Variants in TANGO6 observed in about 807,000 individuals in gnomAD.
TANGO6 encodes the protein transport and golgi organization 6 homolog.
TANGO6 carries 90 observed loss-of-function variants against 114.2 expected under a neutral mutation model. That is an observed-to-expected ratio of 0.79 (90% CI 0.66 to 0.94). The LOEUF is 0.94. Among genes scored for constraint, TANGO6 ranks in the 40% least tolerant of loss-of-function variants. TANGO6 has a pLI of 0.00. For missense variants in TANGO6, 1,274 were observed against 1,315.3 expected (o/e 0.97, Z 0.49); for synonymous variants, 477 against 509.8 (o/e 0.94, Z 0.87).
chr16:69,077,042 C>T (rs1044370456), intron 17 of TANGO6, among the ~76,000 whole-genome samples: 4 of 150,856 alleles, frequency 2.7e-5, no homozygotes, highest in East Asian at 1.9e-4. Context: ...AAGATTATTA[C>T]GAATTTTTTT....
At chr16:69,009,217 G>T (rs1406765906) in intron 15 of TANGO6, among the ~76,000 whole-genome samples, 3 of 151,492 alleles carry the variant, frequency 2.0e-5, no homozygotes, top group Non-Finnish European at 2.9e-5. Flanking sequence ...AAATAGCTGG[G>T]ATTACAGGCA....
intron 16 of TANGO6, chr16:69,034,970 A>T (rs1160239120): frequency 2.0e-5 from 3 of 151,876 alleles, no homozygotes; most frequent in African/African-American, 7.3e-5. Context: ...ATGAGAAGTA[A>T]ATATGATTTA....
chr16:68,882,875 G>A (rs570537771), intron 7 of TANGO6, among the ~76,000 whole-genome samples: 9 of 152,036 alleles, frequency 5.9e-5, no homozygotes, highest in South Asian at 4.2e-4. Flanking sequence ...AAAATTAGCC[G>A]GACGTTGTGG....
rs1279018317 is a variant in TANGO6, at chr16:68,927,997, A to T, written c.2557A>T (p.Thr853Ser). Residue 853 changes from threonine (T) to serine (S), a missense_variant, in exon 13 of 18, where the codon ACA (threonine) becomes TCA (serine). Thr to Ser is a moderately conservative substitution (Grantham distance 58). This residue lies in a region of TANGO6 where 908 missense variants were observed against 910.2 expected (regional missense o/e 1.00). Coordinates refer to ENST00000261778, the MANE Select transcript of TANGO6 (RefSeq NM_024562.2). ...GTCAGCTTATGACCCTCAAATTCCA[A>T]CACGGGCTGCTGCCCTGCGTACTCT... ...LLSAYDPQIP[T>S]RAAALRTLSH... is the part of the protein sequence containing the mutation. 3 of 1,612,338 alleles carry T rather than the reference A, an allele frequency of 1.9e-6. No homozygotes were observed. The highest frequency in any genetic ancestry group is 2.2e-5 in the East Asian group (1 of 44,874).
chr16:69,068,803 T>G (rs1424518114), intron 17 of TANGO6, among the ~76,000 whole-genome samples: 1 of 152,180 alleles, frequency 6.6e-6, no homozygotes, highest in Non-Finnish European at 1.5e-5. Flanking sequence ...AACCTCCGCC[T>G]CCCAGATTCA....
intron 14 of TANGO6, among the ~76,000 whole-genome samples, chr16:68,939,630 G>GA (rs1233786420): frequency 2.0e-5 from 3 of 150,126 alleles, no homozygotes; most frequent in Non-Finnish European, 3.0e-5. Flanking sequence ...CTAGGAAACG[G>GA]AAAAAACAAA....
intron 15 of TANGO6, among the ~76,000 whole-genome samples, chr16:69,008,895 A>T (rs747060225): frequency 3.3e-5 from 5 of 151,774 alleles, no homozygotes; most frequent in Non-Finnish European, 7.4e-5. Flanking sequence ...TGCCCATCTC[A>T]GTCTCCCAAA....
chr16:68,857,660 T>C (rs1313829352), intron 1 of TANGO6, among the ~76,000 whole-genome samples: 25 of 152,216 alleles, frequency 1.6e-4, no homozygotes, highest in Admixed American at 1.6e-3. Flanking sequence ...TTCCTGTTGC[T>C]CCACATCCTT....
At chr16:68,864,174 C>CA (rs11393218) in intron 3 of TANGO6, among the ~76,000 whole-genome samples, 26,059 of 135,038 alleles carry the variant, frequency 0.19, 4,595 homozygotes, top group African/African-American at 0.48. Flanking sequence ...AACTCCGTCT[C>CA]AAAAAAAAAA....
intron 10 of TANGO6, among the ~76,000 whole-genome samples, chr16:68,908,691 C>G (rs1962884203): frequency 6.6e-6 from 1 of 152,134 alleles, no homozygotes; most frequent in Admixed American, 6.5e-5. Context: ...GAAGTTAGTT[C>G]TAAGTATCTT....
In TANGO6 at chr16:68,875,285, C is replaced by G. The variant is rs1415172861; in HGVS notation, c.1126C>G (p.Pro376Ala). Residue 376 changes from proline (P) to alanine (A), a missense_variant, in exon 5 of 18, where the codon CCC becomes GCC. Pro to Ala is a conservative substitution (Grantham distance 27, BLOSUM62 -1). This residue lies in a region of TANGO6 where 908 missense variants were observed against 910.2 expected (regional missense o/e 1.00). Transcript: ENST00000261778. ...AGAGAATTACTACAGGGACATCTGC[C>G]CCCAGGTAAATCTTTTTGTTTCTAT... is the stretch of plus-strand genomic sequence containing the variant. Reference protein sequence around the residue: ...SPENYYRDICPQVLDLFHFQD... With the variant: ...SPENYYRDICAQVLDLFHFQD... The G allele has an allele frequency of 1.2e-6, 2 of 1,612,166 alleles. No individual in the cohort carries two copies. The highest frequency in any genetic ancestry group is 2.2e-5 in the South Asian group (2 of 90,840).
intron 11 of TANGO6, among the ~76,000 whole-genome samples, chr16:68,918,102 G>T (rs1205391256): frequency 6.6e-6 from 1 of 151,936 alleles, no homozygotes; most frequent in East Asian, 1.9e-4. Flanking sequence ...TAGAGACAGG[G>T]TTCACCATGT....
chr16:68,869,622 T>C (rs762150462), intron 4 of TANGO6, among the ~76,000 whole-genome samples: 1 of 152,248 alleles, frequency 6.6e-6, no homozygotes, highest in Admixed American at 6.5e-5. Context: ...TTCACTTTTA[T>C]CCTGGTGAAC....
chr16:69,064,910 C>T (rs183529136), intron 17 of TANGO6, among the ~76,000 whole-genome samples: 4 of 152,242 alleles, frequency 2.6e-5, no homozygotes, highest in Admixed American at 1.3e-4. Context: ...GTGCCCTCAG[C>T]GGGGTGTCTG....
At chr16:68,944,822 A>G (rs1963396900) in intron 14 of TANGO6, among the ~76,000 whole-genome samples, 1 of 152,246 alleles carries the variant, frequency 6.6e-6, no homozygotes, top group Non-Finnish European at 1.5e-5. Flanking sequence ...AAGAATTGCA[A>G]TTCAGGGCAT....
Position 68,953,262 on chromosome 16 carries a change from T to C in TANGO6, c.2702-20766T>C, listed in dbSNP as rs116575736. On this transcript the variant is annotated intron_variant, in intron 14 of 17. Coordinates refer to ENST00000261778, the MANE Select transcript of TANGO6 (RefSeq NM_024562.2). ...CCACGCCTGGCTAGTTTTTTGTATTTAGCAGAGACAGGGTTTCGCCATGTT... is the reference window on the plus strand; with the variant it reads ...CCACGCCTGGCTAGTTTTTTGTATTCAGCAGAGACAGGGTTTCGCCATGTT... Among the ~76,000 whole-genome samples, 704 of 152,042 alleles carry C rather than the reference T, an allele frequency of 4.6e-3. 5 individuals are homozygous for C. The highest frequency in any genetic ancestry group is 0.016 in the African/African-American group (671 of 41,452).
At chr16:68,998,215 C>G (rs542348224) in intron 15 of TANGO6, among the ~76,000 whole-genome samples, 2 of 152,258 alleles carry the variant, frequency 1.3e-5, no homozygotes, top group African/African-American at 2.4e-5. Flanking sequence ...AATTAGAATA[C>G]TCATTCAGAT....
At chr16:68,870,679 T>A (rs1354168333) in intron 4 of TANGO6, among the ~76,000 whole-genome samples, 1 of 152,230 alleles carries the variant, frequency 6.6e-6, no homozygotes, top group African/African-American at 2.4e-5. Context: ...TATATTGACC[T>A]GCATATTTGC....
intron 1 of TANGO6, among the ~76,000 whole-genome samples, chr16:68,856,341 A>G (rs1961992483): frequency 6.6e-6 from 1 of 152,234 alleles, no homozygotes; most frequent in Admixed American, 6.5e-5. Context: ...GCGTTTGTTG[A>G]AATGATCACG....
Sources: allele counts gnomAD v4.1 joint callset (sites outside exome capture counted in the v4.1 genomes callset), GRCh38; gene constraint gnomAD v4.1.1; regional missense constraint gnomAD v4.1.1; transcripts MANE v1.5; gene names NCBI Gene and HGNC (gene_info 2026-07-23, HGNC 2026-07-21).